HMSD: variants seen among roughly 807,000 people sequenced by gnomAD.
The protein encoded by HMSD is serpin-like protein HMSD.
HMSD carries 13 observed loss-of-function variants against 10.0 expected under a neutral mutation model. The ratio of observed to expected loss-of-function variants is 1.31; its 90% CI spans 0.85 to 2.08. The LOEUF (loss-of-function observed/expected upper bound fraction) is 2.08. HMSD is among the 30% of genes most tolerant of loss of function. The pLI is 0.00. For synonymous variants in HMSD, 51 were observed against 54.2 expected, an observed-to-expected ratio of 0.94 and a Z score of 0.26; for missense variants, 169 against 166.3, an observed-to-expected ratio of 1.02 and a Z score of -0.09.
chr18:63,966,640 C>T (rs1006494088), downstream of HMSD: 3 of 152,194 alleles, frequency 2.0e-5, no homozygotes, highest in South Asian at 2.1e-4. Context: ...TTATCACAAT[C>T]GAATTAATTT....
chr18:63,958,726 T>C (rs2144761849), intron 3 of HMSD, among the ~76,000 whole-genome samples: 1 of 152,260 alleles, frequency 6.6e-6, no homozygotes, highest in East Asian at 1.9e-4. Context: ...CAACTAGCTA[T>C]TAATATATTT....
intron 1 of HMSD, among the ~76,000 whole-genome samples, chr18:63,953,040 G>A (rs1332514140): frequency 6.6e-6 from 1 of 152,136 alleles, no homozygotes; most frequent in Admixed American, 6.5e-5. Flanking sequence ...GAGGAGCCCT[G>A]GAACCACAAA....
At chr18:63,968,743 G>A (rs939056481) in intron 3 of HMSD, 5 of 152,244 alleles carry the variant, frequency 3.3e-5, no homozygotes, top group Admixed American at 2.6e-4. Context: ...AGAAATTGAT[G>A]CACAATGGGG....
chr18:63,963,153 C>G (rs1301308717), downstream of HMSD, among the ~76,000 whole-genome samples: 1 of 129,024 alleles, frequency 7.8e-6, no homozygotes, highest in Non-Finnish European at 1.7e-5. Flanking sequence ...TTCTCTCTCT[C>G]TTCTTTCTTT....
In HMSD at chr18:63,953,389, G is replaced by T; in HGVS notation, c.-67G>T. ...ATGGATGCTCTATCAGAAGCAAATGGCACATTTGCATTAAACCTTTTGAAA... is the reference window on the plus strand; with the variant it reads ...ATGGATGCTCTATCAGAAGCAAATGTCACATTTGCATTAAACCTTTTGAAA... On this transcript the variant is annotated 5_prime_UTR_variant, in exon 2 of 4. Transcript: ENST00000408945. The T allele has an allele frequency of 8.3e-7, 1 of 1,203,670 alleles. No individual in the cohort carries two copies. The highest frequency in any genetic ancestry group is 1.2e-6 in the Non-Finnish European group (1 of 819,746). The allele number at this position is 1,203,670 out of a possible 1,614,324, so 74.6% of individuals were successfully genotyped here.
chr18:63,957,448 T>C (rs988990717), intron 3 of HMSD, among the ~76,000 whole-genome samples: 20 of 152,180 alleles, frequency 1.3e-4, no homozygotes, highest in African/African-American at 4.6e-4. Flanking sequence ...CTTTTTCTTA[T>C]TGACTTATAA....
At chr18:63,967,427 C>A (rs2050414963) in intron 3 of HMSD, among the ~76,000 whole-genome samples, 1 of 152,212 alleles carries the variant, frequency 6.6e-6, no homozygotes, top group Admixed American at 6.5e-5. Context: ...AGCCACTGTG[C>A]CCTGCCCCGT....
intron 3 of HMSD, among the ~76,000 whole-genome samples, chr18:63,957,821 T>C (rs969308632): frequency 6.6e-6 from 1 of 152,212 alleles, no homozygotes; most frequent in Non-Finnish European, 1.5e-5. Context: ...GAAATATTTG[T>C]AAACCATTTC....
chr18:63,966,030 A>T (rs1260043892), downstream of HMSD, among the ~76,000 whole-genome samples: 1 of 152,224 alleles, frequency 6.6e-6, no homozygotes, highest in Admixed American at 6.5e-5. Flanking sequence ...AATCCATTCC[A>T]TGAGAGCTAA....
rs147247851 is a variant in HMSD, at chr18:63,956,688, TAA to T, written c.222+2134_222+2135del. ...GACTTTGGTGATTTCTCAAGAAAAT[TAA>T]AAGAGAATTGCCATTTGACCCAGCA... On this transcript the variant is annotated intron_variant, in intron 3 of 3. Transcript: ENST00000408945. 6.9e-3 allele frequency among the ~76,000 whole-genome samples: 1,054 copies of T among 152,278 alleles called. 13 individuals carry two copies. Among genetic ancestry groups the T allele is most frequent in the African/African-American group, 0.024 (999 of 41,562 alleles).
At chr18:63,949,631 G>A (rs367902859) in intron 1 of HMSD, among the ~76,000 whole-genome samples, 2 of 152,286 alleles carry the variant, frequency 1.3e-5, no homozygotes, top group Middle Eastern at 6.8e-3. Flanking sequence ...GTCCAGGCGC[G>A]GGGAGGGGAG....
chr18:63,968,407 A>G (rs2050421455), intron 3 of HMSD: 1 of 152,246 alleles, frequency 6.6e-6, no homozygotes, highest in African/African-American at 2.4e-5. Context: ...CTGTGGACAC[A>G]TCAGACGTTG....
chr18:63,953,077 T>G (rs1009254360), intron 1 of HMSD, among the ~76,000 whole-genome samples: 29 of 152,230 alleles, frequency 1.9e-4, no homozygotes, highest in African/African-American at 6.8e-4. Flanking sequence ...CCTACTTTTC[T>G]GTTTGTAGTT....
downstream of HMSD, among the ~76,000 whole-genome samples, chr18:63,963,440 A>G (rs2050398702): frequency 6.6e-6 from 1 of 152,098 alleles, no homozygotes; most frequent in African/African-American, 2.4e-5. Flanking sequence ...CATGTTGGCC[A>G]GGCTGGTCTT....
chr18:63,959,761 G>C (rs960309149), intron 3 of HMSD, among the ~76,000 whole-genome samples: 1 of 151,988 alleles, frequency 6.6e-6, no homozygotes, highest in African/African-American at 2.4e-5. Context: ...TATAATAGTG[G>C]ATTCATCTAT....
At chr18:63,950,175 G>A (rs2050321717) in intron 1 of HMSD, among the ~76,000 whole-genome samples, 1 of 152,080 alleles carries the variant, frequency 6.6e-6, no homozygotes, top group Non-Finnish European at 1.5e-5. Flanking sequence ...CCAGCACTTT[G>A]GGAGGCTGAG....
chr18:63,963,133 C>CTTT (rs748638278), downstream of HMSD, among the ~76,000 whole-genome samples: 49 of 108,438 alleles, frequency 4.5e-4, no homozygotes, highest in African/African-American at 1.4e-3. Context: ...TTCTTTCTTT[C>CTTT]CTTTCTTTCT....
chr18:63,962,312 G>A (rs570808980), downstream of HMSD, among the ~76,000 whole-genome samples: 8 of 152,298 alleles, frequency 5.3e-5, no homozygotes, highest in African/African-American at 1.7e-4. Flanking sequence ...ATCCAGAAAA[G>A]CCATGAGTAA....
intron 1 of HMSD, among the ~76,000 whole-genome samples, chr18:63,951,449 G>C (rs993092106): frequency 6.6e-6 from 1 of 150,402 alleles, no homozygotes; most frequent in Non-Finnish European, 1.5e-5. Context: ...TCACCAGCAG[G>C]GGGGAAACTG....
Sources: gnomAD v4.1 joint callset for allele counts (sites outside exome capture counted in the v4.1 genomes callset) on GRCh38, gnomAD v4.1.1 for gene constraint, MANE v1.5 for transcripts, NCBI Gene and HGNC (gene_info 2026-07-23, HGNC 2026-07-21) for gene names.